Variants in OPCML observed in about 807,000 individuals in gnomAD.
The protein encoded by OPCML is opioid binding protein/cell adhesion molecule like.
A neutral mutation model predicts 37.8 loss-of-function variants in OPCML; 13 were observed. The observed-to-expected ratio is 0.34, with a 90% CI of 0.22 to 0.55. The LOEUF is 0.55. Ranked by LOEUF, OPCML falls within the 20% of genes least tolerant of loss-of-function variation. OPCML has a pLI of 0.91. For missense variants in OPCML, 341 were observed against 435.6 expected (o/e 0.78, Z 1.93); for synonymous variants, 176 against 168.8 (o/e 1.04, Z -0.33).
chr11:133,105,485 G>A (rs531678292), intron 1 of OPCML, among the ~76,000 whole-genome samples: 2 of 152,190 alleles, frequency 1.3e-5, no homozygotes, highest in Non-Finnish European at 2.9e-5. Context: ...ATTGAAATGA[G>A]CAGAAATCAA....
chr11:133,520,042 G>T (rs766237689), intron 1 of OPCML, among the ~76,000 whole-genome samples: 1 of 152,072 alleles, frequency 6.6e-6, no homozygotes, highest in Non-Finnish European at 1.5e-5. Flanking sequence ...AATGAAGAAT[G>T]AATTTTCTAG....
At chr11:132,542,174 G>A (rs1417355630) in intron 3 of OPCML, among the ~76,000 whole-genome samples, 3 of 152,044 alleles carry the variant, frequency 2.0e-5, no homozygotes, top group Non-Finnish European at 2.9e-5. Flanking sequence ...CCAGTCTTCC[G>A]CCTCAGTCCT....
At chr11:132,948,133 C>T (rs76079819) in intron 1 of OPCML, among the ~76,000 whole-genome samples, 107 of 152,264 alleles carry the variant, frequency 7.0e-4, no homozygotes, top group Middle Eastern at 3.4e-3. Flanking sequence ...TGAAATGTAC[C>T]GGGCATGTTT....
At chr11:133,008,304 C>A (rs186569021) in intron 1 of OPCML, 1 of 985,366 alleles carries the variant, frequency 1.0e-6, no homozygotes, top group East Asian at 1.1e-4. Context: ...TGCATAACTA[C>A]TGCCTGGTAA....
chr11:133,232,216 G>A (rs1940309875), intron 1 of OPCML, among the ~76,000 whole-genome samples: 1 of 152,044 alleles, frequency 6.6e-6, no homozygotes, highest in Non-Finnish European at 1.5e-5. Flanking sequence ...AATTTCTAGT[G>A]TGGGCAGCTC....
intron 1 of OPCML, among the ~76,000 whole-genome samples, chr11:133,282,089 G>T (rs1167840705): frequency 2.0e-5 from 3 of 152,166 alleles, no homozygotes; most frequent in Non-Finnish European, 4.4e-5. Context: ...TAAGTTTGCA[G>T]CCTGGCCCTG....
At chr11:133,286,136 G>C (rs1029107448) in intron 1 of OPCML, among the ~76,000 whole-genome samples, 25 of 152,204 alleles carry the variant, frequency 1.6e-4, no homozygotes, top group African/African-American at 6.0e-4. Flanking sequence ...CTAAATCCAT[G>C]TCTCCAGACA....
chr11:133,340,140 G>C lies in OPCML; in HGVS notation c.61+192124C>G, dbSNP rs1372600342. 2.6e-5 allele frequency among the ~76,000 whole-genome samples: 4 copies of C among 152,318 alleles called. 1 individual carries two copies. The highest frequency in any genetic ancestry group is 6.8e-3 in the Middle Eastern group (2 of 294). ...TCTACATGGCAGTGAGAACTCTGTG[G>C]ATTGCAGTAGGACATCACCTCTGAC... On this transcript the variant is annotated intron_variant, in intron 1 of 7. Transcript: ENST00000524381.
chr11:133,302,228 G>A (rs774612820), intron 1 of OPCML: 1 of 152,156 alleles, frequency 6.6e-6, no homozygotes, highest in East Asian at 1.9e-4. Flanking sequence ...GCAGGACCAG[G>A]TGGAGGTAAT....
chr11:133,263,583 GAAT>G (rs931861868), intron 1 of OPCML, among the ~76,000 whole-genome samples: 1 of 152,054 alleles, frequency 6.6e-6, no homozygotes, highest in African/African-American at 2.4e-5. Context: ...GCATTTCTTG[GAAT>G]GTATCCCCAT....
chr11:132,513,520 G>A (rs2096273432), intron 4 of OPCML, among the ~76,000 whole-genome samples: 1 of 152,090 alleles, frequency 6.6e-6, no homozygotes, highest in African/African-American at 2.4e-5. Flanking sequence ...AACTTTATTT[G>A]GATTACAACA....
At chr11:132,632,681 G>A (rs190170252) in intron 3 of OPCML, among the ~76,000 whole-genome samples, 22 of 152,108 alleles carry the variant, frequency 1.4e-4, no homozygotes, top group Admixed American at 2.6e-4. Context: ...TCTTCAGCAA[G>A]GCGAGGTAAT....
intron 1 of OPCML, among the ~76,000 whole-genome samples, chr11:133,095,694 G>GA (rs1020570146): frequency 6.1e-5 from 9 of 148,094 alleles, no homozygotes; most frequent in Non-Finnish European, 1.0e-4. Context: ...CAAAGATAAT[G>GA]AAAAAAATTA....
At chr11:133,122,225 C>T (rs537522075) in intron 1 of OPCML, among the ~76,000 whole-genome samples, 8 of 152,218 alleles carry the variant, frequency 5.3e-5, no homozygotes, top group African/African-American at 7.2e-5. Flanking sequence ...TAGACATGGA[C>T]GGAGCTTGGG....
At chr11:132,651,086 C>T (rs1429018998) in intron 3 of OPCML, among the ~76,000 whole-genome samples, 2 of 152,228 alleles carry the variant, frequency 1.3e-5, no homozygotes, top group African/African-American at 4.8e-5. Context: ...CATCCACCTG[C>T]TGCCCCAACC....
chr11:133,021,579 A>G (rs905479451), intron 1 of OPCML, among the ~76,000 whole-genome samples: 2 of 61,098 alleles, frequency 3.3e-5, no homozygotes, highest in African/African-American at 1.9e-4. Context: ...CTCCTGTGCT[A>G]CGGGCAGGAG....
At chr11:133,486,947 C>T (rs1947540493) in intron 1 of OPCML, among the ~76,000 whole-genome samples, 3 of 151,594 alleles carry the variant, frequency 2.0e-5, no homozygotes, top group Admixed American at 6.6e-5. Flanking sequence ...ATCAAAAACT[C>T]TCTGGCTCTA....
chr11:132,750,794 C>CTT (rs762942241), intron 2 of OPCML, among the ~76,000 whole-genome samples: 10 of 144,280 alleles, frequency 6.9e-5, no homozygotes, highest in African/African-American at 1.8e-4. Context: ...TAAAGAAAAC[C>CTT]TTTTTTTTTT....
intron 2 of OPCML, among the ~76,000 whole-genome samples, chr11:132,692,321 G>T (rs561073598): frequency 1.8e-4 from 28 of 152,264 alleles, no homozygotes; most frequent in African/African-American, 6.0e-4. Context: ...TAAAATGAGT[G>T]CTGTAATTAG....
Sources: allele counts gnomAD v4.1 joint callset (sites outside exome capture counted in the v4.1 genomes callset), GRCh38; gene constraint gnomAD v4.1.1; transcripts MANE v1.5; gene names NCBI Gene and HGNC (gene_info 2026-07-23, HGNC 2026-07-21).